Variants in GPR158 observed in about 807,000 individuals in gnomAD.
GPR158 encodes G protein-coupled receptor 158.
A neutral mutation model predicts 78.2 loss-of-function variants in GPR158; 30 were observed. The observed-to-expected ratio is 0.38, with a 90% confidence interval of 0.29 to 0.52. The LOEUF is 0.52. Among genes scored for constraint, GPR158 ranks in the 20% least tolerant of loss-of-function variants. The pLI, the probability that GPR158 is intolerant of heterozygous loss-of-function variation, is 0.83. For synonymous variants in GPR158, 581 were observed against 591.1 expected, an observed-to-expected ratio of 0.98 and a Z score of 0.25; for missense variants, 1,463 against 1,523.5, an observed-to-expected ratio of 0.96 and a Z score of 0.66.
intron 2 of GPR158, among the ~76,000 whole-genome samples, chr10:25,252,667 C>G (rs962334811): frequency 3.3e-5 from 5 of 152,126 alleles, no homozygotes; most frequent in Admixed American, 6.6e-5. Context: ...GGCAGTCTGC[C>G]GGTTCTCAGA....
chr10:25,440,533 C>T lies in GPR158; in HGVS notation c.1336-26118C>T, dbSNP rs537717032. Among the ~76,000 whole-genome samples the T allele has an allele frequency of 7.2e-5, 11 of 152,188 alleles. No individual in the cohort carries two copies. In the East Asian group the frequency reaches 1.4e-3, roughly 19 times the overall value. On this transcript the variant is annotated intron_variant, in intron 4 of 10. Coordinates refer to ENST00000376351, the MANE Select transcript of GPR158 (RefSeq NM_020752.3). ...GATACTTGTTGCATTTGGAAAAAGGCGGAGTTAACATGAGAAAGTTTAAGT... is the reference window on the plus strand; with the variant it reads ...GATACTTGTTGCATTTGGAAAAAGGTGGAGTTAACATGAGAAAGTTTAAGT...
intron 2 of GPR158, among the ~76,000 whole-genome samples, chr10:25,253,149 G>A (rs1428199915): frequency 1.3e-5 from 2 of 152,240 alleles, no homozygotes; most frequent in African/African-American, 4.8e-5. Context: ...CCCAGGTGAG[G>A]CAATGCCTCG....
At position 25,572,920 on chromosome 10, in the gene GPR158, A is replaced by C. The variant is rs775501826; in HGVS notation, c.1753+33A>C. ...GTCACTTGTTTCGTATGATGGTCTT[A>C]CCATTTTTCAGTAGCATTACAACTG... On this transcript the variant is annotated intron_variant, in intron 7 of 10. Coordinates refer to ENST00000376351, the MANE Select transcript of GPR158 (RefSeq NM_020752.3). 5.7e-6 allele frequency: 7 copies of C among 1,233,366 alleles called. No homozygotes were observed. In the South Asian group the frequency reaches 8.4e-5, roughly 15 times the overall value. The allele number at this position is 1,233,366 out of a possible 1,614,324, so 76.4% of individuals were successfully genotyped here. A position where few individuals can be genotyped will look rare whatever the true frequency, so the allele number is the denominator to read the frequency against.
intron 5 of GPR158, among the ~76,000 whole-genome samples, chr10:25,549,045 G>A (rs192184566): frequency 5.1e-4 from 78 of 152,236 alleles, no homozygotes; most frequent in African/African-American, 1.8e-3. Flanking sequence ...AAAGCGTGGT[G>A]GATAATGAAA....
rs1254778456 is a variant in GPR158 at position 25,333,200 on chromosome 10, A to G, written c.1009-62711A>G. On this transcript the variant is annotated intron_variant, in intron 2 of 10. Transcript: ENST00000376351. ...CTTTTTCATTTCCTGGAATTCTCCT[A>G]ACAACAAAACAAGAGGCTTAGTATC... 2.6e-5 allele frequency among the ~76,000 whole-genome samples: 4 copies of G among 152,300 alleles called. No homozygotes were observed. In the East Asian group the frequency reaches 7.7e-4, roughly 29 times the overall value.
chr10:25,527,698 G>A (rs1836368270), intron 5 of GPR158, among the ~76,000 whole-genome samples: 1 of 151,888 alleles, frequency 6.6e-6, no homozygotes, highest in Admixed American at 6.6e-5. Flanking sequence ...AGTAGAATAA[G>A]GGAAAAAATA....
In GPR158 at chr10:25,176,324, T is replaced by G; in HGVS notation, c.902+2T>G. 6 of 1,564,450 alleles carry G rather than the reference T, an allele frequency of 3.8e-6. No individual in the cohort carries two copies. In the Admixed American group the frequency reaches 5.6e-5, roughly 15 times the overall value. ...GCCTAACCTGGTCCCGGAATTCAGG[T>G]AGGGAGGGCCGGGGGGCAGGGGGGA... On this transcript the variant is annotated splice_donor_variant, in intron 1 of 10. Coordinates refer to ENST00000376351, the MANE Select transcript of GPR158 (RefSeq NM_020752.3). LOFTEE classifies it high-confidence loss of function. This position sits in a 1 kb window ranked among gnomAD's most constrained non-coding sequence, Gnocchi z 6.3.
intron 3 of GPR158, among the ~76,000 whole-genome samples, chr10:25,404,720 G>C (rs1834489401): frequency 6.6e-6 from 1 of 152,056 alleles, no homozygotes; most frequent in African/African-American, 2.4e-5. Flanking sequence ...CCTATTCTTA[G>C]AGGGCTCACA....
At chr10:25,540,977 T>A (rs9283364) in intron 5 of GPR158, among the ~76,000 whole-genome samples, 10,580 of 49,480 alleles carry the variant, frequency 0.21, 454 homozygotes, top group African/African-American at 0.42. Context: ...TATATATATA[T>A]AAAGTTTATC....
At chr10:25,368,029 G>C (rs1833917979) in intron 2 of GPR158, among the ~76,000 whole-genome samples, 1 of 151,880 alleles carries the variant, frequency 6.6e-6, no homozygotes, top group Non-Finnish European at 1.5e-5. Flanking sequence ...TTTGAGAATA[G>C]CTTTCAACCT....
intron 8 of GPR158, among the ~76,000 whole-genome samples, chr10:25,589,835 A>G (rs1837317451): frequency 6.6e-6 from 1 of 152,228 alleles, no homozygotes; most frequent in Non-Finnish European, 1.5e-5. Context: ...TCCCTGATTC[A>G]TATTTGAAAA....
intron 7 of GPR158, among the ~76,000 whole-genome samples, chr10:25,586,547 C>A (rs1416063524): frequency 1.3e-5 from 2 of 151,738 alleles, no homozygotes; most frequent in Non-Finnish European, 2.9e-5. Context: ...GGACCACAGG[C>A]AAGTGCCACC....
chr10:25,570,219 C>A (rs967458850), intron 6 of GPR158, among the ~76,000 whole-genome samples: 43 of 152,286 alleles, frequency 2.8e-4, no homozygotes, highest in African/African-American at 1.0e-3. Context: ...ATCTTTTAAT[C>A]TGCTAATTAC....
intron 4 of GPR158, among the ~76,000 whole-genome samples, chr10:25,416,355 A>G (rs1834660157): frequency 1.3e-5 from 2 of 152,310 alleles, no homozygotes; most frequent in African/African-American, 2.4e-5. Context: ...ATAATCTTCA[A>G]AAACCATTTA....
At chr10:25,227,929 A>T (rs1020387656) in intron 2 of GPR158, among the ~76,000 whole-genome samples, 1 of 152,202 alleles carries the variant, frequency 6.6e-6, no homozygotes, top group Non-Finnish European at 1.5e-5. Flanking sequence ...AATTGTGCTC[A>T]ATGTTGGTGA....
intron 5 of GPR158, among the ~76,000 whole-genome samples, chr10:25,484,525 A>T (rs1835706677): frequency 6.6e-6 from 1 of 152,312 alleles, no homozygotes; most frequent in Admixed American, 6.5e-5. Context: ...TCCTGAGATT[A>T]CCTTCATGGG....
chr10:25,234,369 AATCT>A (rs1853495402), intron 2 of GPR158, among the ~76,000 whole-genome samples: 1 of 152,254 alleles, frequency 6.6e-6, no homozygotes, highest in African/African-American at 2.4e-5. Context: ...TTAAAAGAGC[AATCT>A]ATCCAAATTA....
intron 2 of GPR158, among the ~76,000 whole-genome samples, chr10:25,374,587 A>G (rs367611055): frequency 6.6e-6 from 1 of 151,728 alleles, no homozygotes; most frequent in Admixed American, 6.6e-5. Context: ...AATCCCTAAC[A>G]ACCATTAATT....
intron 1 of GPR158, among the ~76,000 whole-genome samples, chr10:25,199,813 C>T (rs1328344747): frequency 6.6e-6 from 1 of 152,116 alleles, no homozygotes; most frequent in Non-Finnish European, 1.5e-5. Context: ...TTAAAATTGC[C>T]CAGTCTTGGG....
Sources: allele counts gnomAD v4.1 joint callset (sites outside exome capture counted in the v4.1 genomes callset), GRCh38; gene constraint gnomAD v4.1.1; non-coding constraint Gnocchi (gnomAD v3.1); transcripts MANE v1.5; gene names NCBI Gene and HGNC (gene_info 2026-07-23, HGNC 2026-07-21).